Variants in OPN5 observed in about 807,000 individuals in gnomAD.
OPN5 encodes the protein opsin-5.
Under a neutral mutation model 41.7 loss-of-function variants are expected in OPN5, and 18 were observed. The observed-to-expected ratio is 0.43, with a 90% CI of 0.30 to 0.64. OPN5 has a LOEUF of 0.64. OPN5 is among the 30% of genes least tolerant of loss of function. The probability of loss-of-function intolerance (pLI) is 0.13; values close to 1 mark genes in which losing one functional copy is unlikely to be tolerated. For missense variants in OPN5, 318 were observed against 434.5 expected (o/e 0.73, Z 2.38); for synonymous variants, 178 against 164.3 (o/e 1.08, Z -0.64).
At chr6:47,814,352 C>T (rs1178312390) in intron 6 of OPN5, among the ~76,000 whole-genome samples, 3 of 151,926 alleles carry the variant, frequency 2.0e-5, no homozygotes, top group African/African-American at 7.3e-5. Context: ...AAAATAGACT[C>T]ATTTAACTGT....
intron 6 of OPN5, among the ~76,000 whole-genome samples, chr6:47,818,978 C>T (rs956829196): frequency 6.6e-6 from 1 of 151,864 alleles, no homozygotes; most frequent in African/African-American, 2.4e-5. Flanking sequence ...TGCTGCTGGT[C>T]CAAGCCCTGC....
intron 4 of OPN5, among the ~76,000 whole-genome samples, chr6:47,801,296 T>C (rs1773765016): frequency 6.6e-6 from 1 of 152,252 alleles, no homozygotes; most frequent in Non-Finnish European, 1.5e-5. Context: ...CCTTGATGAA[T>C]GTTAAGAGGT....
exon 5 of OPN5, chr6:47,808,369 C>A (rs1024454986): frequency 1.2e-6 from 2 of 1,613,906 alleles, no homozygotes; most frequent in African/African-American, 1.3e-5. Flanking sequence ...TGAAAGCAAC[C>A]AAGAAGAAGT....
At chr6:47,818,058 AAAG>A (rs1762483921) in intron 6 of OPN5, among the ~76,000 whole-genome samples, 1 of 152,292 alleles carries the variant, frequency 6.6e-6, no homozygotes, top group South Asian at 2.1e-4. Context: ...ATTTGTTCAG[AAAG>A]AAGGGTATTT....
At chr6:47,783,813 G>T (rs973411010) in intron 1 of OPN5, among the ~76,000 whole-genome samples, 8 of 152,106 alleles carry the variant, frequency 5.3e-5, no homozygotes, top group African/African-American at 1.9e-4. Context: ...TAACAGAAAA[G>T]GCAGAAAAAT....
chr6:47,786,469 T>G (rs151218202), intron 1 of OPN5, 46 bp from the exon 2 acceptor site: 2 of 1,571,240 alleles, frequency 1.3e-6, no homozygotes, highest in Non-Finnish European at 1.7e-6. Flanking sequence ...CTGAGTGAAC[T>G]CGAAATCTTA....
intron 2 of OPN5, chr6:47,787,106 A>T (rs963148018): frequency 1.4e-5 from 14 of 982,374 alleles, no homozygotes; most frequent in Non-Finnish European, 1.7e-5. Flanking sequence ...GGAAGAGGAA[A>T]GAGGTGCCCT....
intron 4 of OPN5, among the ~76,000 whole-genome samples, chr6:47,801,287 C>A (rs1417574433): frequency 2.6e-5 from 4 of 152,172 alleles, no homozygotes; most frequent in African/African-American, 9.7e-5. Flanking sequence ...ATCTAATTAC[C>A]TTGATGAATG....
At chr6:47,811,307 C>T (rs943480615) in intron 5 of OPN5, among the ~76,000 whole-genome samples, 11 of 152,124 alleles carry the variant, frequency 7.2e-5, no homozygotes, top group Non-Finnish European at 1.6e-4. Flanking sequence ...CAAACCTCCC[C>T]TGACCACCTT....
At chr6:47,814,134 A>G (rs547564235) in intron 6 of OPN5, among the ~76,000 whole-genome samples, 1 of 152,248 alleles carries the variant, frequency 6.6e-6, no homozygotes, top group Non-Finnish European at 1.5e-5. Context: ...CTGGTTTTAA[A>G]TGACCTGAAG....
At chr6:47,790,644 C>A (rs1282593133) in intron 2 of OPN5, among the ~76,000 whole-genome samples, 1 of 152,176 alleles carries the variant, frequency 6.6e-6, no homozygotes, top group Non-Finnish European at 1.5e-5. Context: ...AATAAAAGGA[C>A]AAATTCACAT....
At chr6:47,794,728 C>T (rs1179532662) in intron 3 of OPN5, 1 of 154,842 alleles carries the variant, frequency 6.5e-6, no homozygotes, top group Non-Finnish European at 1.4e-5. Flanking sequence ...ACTTTAATCT[C>T]AAACCATAGT....
At chr6:47,799,217 T>C (rs201947948) in intron 4 of OPN5, among the ~76,000 whole-genome samples, 36 of 135,320 alleles carry the variant, frequency 2.7e-4, no homozygotes, top group African/African-American at 6.5e-4. Context: ...TATATATATA[T>C]ACACACACAC....
At chr6:47,823,254 G>A (rs1762688978) in intron 6 of OPN5, 1 of 152,192 alleles carries the variant, frequency 6.6e-6, no homozygotes, top group Non-Finnish European at 1.5e-5. Flanking sequence ...CACTATTTAA[G>A]CAAAAGCTTA....
chr6:47,792,355 G>A (rs1773400511), intron 3 of OPN5, among the ~76,000 whole-genome samples: 2 of 152,200 alleles, frequency 1.3e-5, no homozygotes, highest in Admixed American at 1.3e-4. Flanking sequence ...AAGAAAAGCT[G>A]TTTAAGATTC....
intron 1 of OPN5, 121 bp downstream of exon 1, chr6:47,782,317 G>A: frequency 1.2e-6 from 1 of 849,860 alleles, no homozygotes; most frequent in Non-Finnish European, 1.8e-6. Flanking sequence ...GAAGAGTGGG[G>A]AAAGGCAGAA....
intron 6 of OPN5, among the ~76,000 whole-genome samples, chr6:47,819,195 A>G (rs976882783): frequency 6.6e-6 from 1 of 151,226 alleles, no homozygotes; most frequent in Non-Finnish European, 1.5e-5. Flanking sequence ...AAGTAACTGT[A>G]CTTGTAATTT....
chr6:47,793,789 C>CA lies in OPN5; in HGVS notation c.422-1439dup, dbSNP rs1266812533. The CA allele has an allele frequency of 3.1e-6, 3 of 973,882 alleles. No individual in the cohort carries two copies. The Admixed American group carries it at 1.8e-4, about 60-fold the overall frequency. 60.3% of individuals were successfully genotyped at this position (973,882 alleles called of 1,614,324 possible). A position where few individuals can be genotyped will look rare whatever the true frequency, so the allele number is the denominator to read the frequency against. ...ACTGGAATGTAAGTATAAAACACCT[C>CA]ACAAGTAACCCTAACCATAAATGCT... On this transcript the variant is annotated intron_variant, in intron 3 of 6. Transcript: ENST00000371211.
chr6:47,825,298 A>C (rs964111174), downstream of OPN5: 16 of 152,232 alleles, frequency 1.1e-4, no homozygotes, highest in African/African-American at 3.6e-4. Context: ...GGGCATAATA[A>C]AAAGTAGTGA....
Sources: allele counts gnomAD v4.1 joint callset (sites outside exome capture counted in the v4.1 genomes callset), GRCh38; gene constraint gnomAD v4.1.1; transcripts MANE v1.5; gene names NCBI Gene and HGNC (gene_info 2026-07-23, HGNC 2026-07-21).